The following AK7 variants were observed in gnomAD, a reference collection of about 807,000 sequenced individuals.
AK7 encodes the protein adenylate kinase 7, also known as ATP-AMP transphosphorylase 7.
AK7 carries 78 observed loss-of-function variants against 96.6 expected under a neutral mutation model. The observed-to-expected ratio is 0.81, with a 90% CI of 0.67 to 0.97. The LOEUF (loss-of-function observed/expected upper bound fraction) is 0.97. Among genes scored for constraint, AK7 ranks in the 50% least tolerant of loss-of-function variants. The pLI is 0.00. For synonymous variants in AK7, 302 were observed against 317.2 expected (o/e 0.95, Z 0.51); for missense variants, 855 against 887.9 (o/e 0.96, Z 0.47).
At chr14:96,412,713 A>G (rs1477175000) in intron 4 of AK7, among the ~76,000 whole-genome samples, 1 of 151,050 alleles carries the variant, frequency 6.6e-6, no homozygotes, top group African/African-American at 2.4e-5. Flanking sequence ...TTACAGGCAC[A>G]TGCTACCACT....
chr14:96,408,941 C>T lies in AK7; in HGVS notation c.498C>T (p.Pro166=), dbSNP rs1414409169. ...MTWARSKALD[P]EDSEVPFTEE... The stretch of plus-strand genomic sequence containing the variant: ...GGGCGCGCTCCAAAGCCCTGGACCC[C>T]GTAAGTAGAGCGTTAGCTTTCCTTT... Residue 166 remains proline (P), a splice_region_variant and synonymous_variant, in exon 4 of 18, where the codon CCC becomes CCT. Transcript: ENST00000267584. 6.2e-6 allele frequency: 10 copies of T among 1,613,720 alleles called. No homozygotes were observed. Among genetic ancestry groups the T allele is most frequent in the African/African-American group, 1.3e-5 (1 of 74,900 alleles).
rs1459950859 is a variant in AK7 at position 96,399,028 on chromosome 14, G to C, written c.294+765G>C. 7 of 151,468 alleles carry C rather than the reference G, an allele frequency of 4.6e-5. No homozygotes were observed. Among genetic ancestry groups the C allele is most frequent in the Admixed American group, 4.6e-4 (7 of 15,186 alleles). The allele number at this position is 151,468 out of a possible 1,614,324, so 9.4% of individuals were successfully genotyped here. ...GTTGTGTCTCTTCCTCCAGGAAGCC[G>C]TTCATGATTCCTACTTCTCCCTCAC... On this transcript the variant is annotated intron_variant, in intron 2 of 17. Coordinates refer to ENST00000267584, the MANE Select transcript of AK7 (RefSeq NM_152327.5). This position sits in a 1 kb window ranked among gnomAD's most constrained non-coding sequence, Gnocchi z 4.1.
chr14:96,483,159 A>G lies in AK7; in HGVS notation c.1914A>G (p.Ala638=). Residue 638 remains alanine, a synonymous_variant, in exon 16 of 18, where the codon GCA becomes GCG. Transcript: ENST00000267584. ...ERLAREAAEE[A]EREHQEAVEM... ...TGGCCAGGGAGGCTGCTGAGGAAGC[A>G]GAACGCGAGCACCAGGAGGCCGTGG... 2.5e-6 allele frequency: 4 copies of G among 1,613,776 alleles called. No homozygotes were observed. Among genetic ancestry groups the G allele is most frequent in the Non-Finnish European group, 3.4e-6 (4 of 1,179,912 alleles).
intron 12 of AK7, among the ~76,000 whole-genome samples, chr14:96,468,876 T>C (rs542454099): frequency 6.6e-6 from 1 of 152,198 alleles, no homozygotes; most frequent in South Asian, 2.1e-4. Context: ...TTAAAAGCTA[T>C]GTAGGAGGGC....
Position 96,416,720 on chromosome 14 carries a change from G to A in AK7, c.499-4102G>A, listed in dbSNP as rs140037678. ...AACTAAAACCCATATTAAAGGTTTG[G>A]GTTCAAAATACACTTTATTTGTTGT... On this transcript the variant is annotated intron_variant, in intron 4 of 17. Coordinates refer to ENST00000267584, the MANE Select transcript of AK7 (RefSeq NM_152327.5). Among the ~76,000 whole-genome samples the A allele has an allele frequency of 2.0e-5, 3 of 152,278 alleles. No homozygotes were observed. In the East Asian group the frequency reaches 5.8e-4, roughly 29 times the overall value.
Position 96,412,795 on chromosome 14 carries a change from G to A in AK7, c.498+3854G>A, listed in dbSNP as rs558244027. Among the ~76,000 whole-genome samples the A allele has an allele frequency of 3.3e-5, 5 of 152,052 alleles. 1 individual carries two copies. The highest frequency in any genetic ancestry group is 2.1e-4 in the South Asian group (1 of 4,820). On this transcript the variant is annotated intron_variant, in intron 4 of 17. Coordinates refer to ENST00000267584, the MANE Select transcript of AK7 (RefSeq NM_152327.5). ...TTGGCCAGGCTGGTCTCAAACTCCC[G>A]ACCTCAGGTGATCTGCGCACTTCAG...
chr14:96,439,169 C>A (rs774715739), intron 6 of AK7, among the ~76,000 whole-genome samples: 1 of 152,044 alleles, frequency 6.6e-6, no homozygotes, highest in Non-Finnish European at 1.5e-5. Flanking sequence ...ATCATGGGAG[C>A]TGTCAGTATA....
intron 12 of AK7, among the ~76,000 whole-genome samples, chr14:96,466,394 G>T (rs1017309935): frequency 6.6e-6 from 1 of 151,724 alleles, no homozygotes; most frequent in Non-Finnish European, 1.5e-5. Context: ...CCGCCACCAC[G>T]CCCGGCTAAT....
intron 16 of AK7, 144 bp downstream of exon 16, chr14:96,483,363 T>C: frequency 1.2e-6 from 1 of 821,776 alleles, no homozygotes; most frequent in Admixed American, 2.9e-5. Context: ...TGTTTGCTTT[T>C]TGTCATTTGT....
At chr14:96,458,329 C>CTCA (rs1264347226) in intron 12 of AK7, 117 bp downstream of exon 12, 1 of 1,342,550 alleles carries the variant, frequency 7.4e-7, no homozygotes. Flanking sequence ...GGCGCCATGG[C>CTCA]TCATGCCTGT....
chr14:96,482,845 A>C, intron 15 of AK7, 154 bp from the exon 16 acceptor site: 1 of 856,642 alleles, frequency 1.2e-6, no homozygotes, highest in Non-Finnish European at 1.8e-6. Context: ...CCGTGAGAGA[A>C]GAAATTCTGA....
chr14:96,485,203 T>A (rs566837543), intron 16 of AK7, among the ~76,000 whole-genome samples: 9 of 152,380 alleles, frequency 5.9e-5, no homozygotes, highest in African/African-American at 2.2e-4. Context: ...TGTTTTAATA[T>A]TCATTTCTCT....
rs1438997175 is a variant in AK7, at chr14:96,488,945, T to C, written c.*602T>C. 4.0e-5 allele frequency: 6 copies of C among 151,072 alleles called. No individual in the cohort carries two copies. 9.4% of individuals were successfully genotyped at this position (151,072 alleles called of 1,614,324 possible). On this transcript the variant is annotated 3_prime_UTR_variant, in exon 18 of 18. Coordinates refer to ENST00000267584, the MANE Select transcript of AK7 (RefSeq NM_152327.5). The stretch of plus-strand genomic sequence containing the variant: ...AAACCTTTAGGCGGAGAAATCTGCA[T>C]AACAGGATAATTCCAATCTTTGTGA...
intron 8 of AK7, among the ~76,000 whole-genome samples, chr14:96,448,948 C>A (rs765642662): frequency 3.3e-5 from 5 of 151,368 alleles, no homozygotes; most frequent in Non-Finnish European, 5.9e-5. Flanking sequence ...AGAGCAAGAC[C>A]CTGTCTCAAA....
intron 12 of AK7, among the ~76,000 whole-genome samples, chr14:96,468,231 A>G (rs1336821152): frequency 6.9e-6 from 1 of 144,646 alleles, no homozygotes; most frequent in East Asian, 2.2e-4. Flanking sequence ...AAAAAAAAAC[A>G]GAAAGAAGGG....
chr14:96,476,582 C>T (rs987863108), intron 14 of AK7, among the ~76,000 whole-genome samples: 22 of 151,510 alleles, frequency 1.5e-4, no homozygotes, highest in African/African-American at 4.9e-4. Context: ...TTGTTATCTA[C>T]GGTCTTACCA....
At chr14:96,470,892 G>C (rs1894847084) in intron 12 of AK7, among the ~76,000 whole-genome samples, 1 of 152,144 alleles carries the variant, frequency 6.6e-6, no homozygotes, top group South Asian at 2.1e-4. Context: ...TCCAGTTGCT[G>C]CTCCTCAATC....
chr14:96,396,055 C>T (rs1192348976), intron 1 of AK7, among the ~76,000 whole-genome samples: 1 of 151,984 alleles, frequency 6.6e-6, no homozygotes, highest in African/African-American at 2.4e-5. Context: ...CGTGATCTGC[C>T]TGCCTTGGCC....
chr14:96,484,690 A>G (rs1895681283), intron 16 of AK7, among the ~76,000 whole-genome samples: 1 of 152,086 alleles, frequency 6.6e-6, no homozygotes, highest in Non-Finnish European at 1.5e-5. Flanking sequence ...ACCCCTCCCC[A>G]CAACCTGTCA....
Sources: gnomAD v4.1 joint callset for allele counts (sites outside exome capture counted in the v4.1 genomes callset) on GRCh38, gnomAD v4.1.1 for gene constraint, Gnocchi (gnomAD v3.1) non-coding constraint, MANE v1.5 for transcripts, NCBI Gene and HGNC (gene_info 2026-07-23, HGNC 2026-07-21) for gene names.